The following BLOC1S5 variants were observed in gnomAD, a reference collection of about 807,000 sequenced individuals.
BLOC1S5 encodes the protein biogenesis of lysosome-related organelles complex 1 subunit 5.
In BLOC1S5, 27 loss-of-function variants were observed where a neutral mutation model predicts 24.3. That is an observed-to-expected ratio of 1.11 (90% CI 0.82 to 1.53). The LOEUF is 1.53. Among genes scored for constraint, BLOC1S5 ranks in the 40% most tolerant of loss-of-function variants. BLOC1S5 has a pLI of 0.00. For synonymous variants in BLOC1S5, 84 were observed against 74.5 expected (o/e 1.13, Z -0.66); for missense variants, 239 against 229.4 (o/e 1.04, Z -0.27).
chr6:8,058,392 T>C (rs1249340539), intron 2 of BLOC1S5, among the ~76,000 whole-genome samples: 2 of 67,818 alleles, frequency 2.9e-5, no homozygotes, highest in East Asian at 1.2e-3. Context: ...AAAAAAAAAA[T>C]AGCCGGCCAT....
In BLOC1S5 at chr6:8,013,878, G is replaced by C. The variant is rs965914398; in HGVS notation, c.*1771C>G. The C allele has an allele frequency of 1.3e-5, 2 of 152,088 alleles. No individual in the cohort carries two copies. Among genetic ancestry groups the C allele is most frequent in the African/African-American group, 2.4e-5 (1 of 41,414 alleles). The allele number at this position is 152,088 out of a possible 1,614,324, so 9.4% of individuals were successfully genotyped here. ...TTGGTGTCAGCAAGTGCGCTTTTTA[G>C]TCCAGGTACCAGCAAATGATTGATG... On this transcript the variant is annotated 3_prime_UTR_variant, in exon 5 of 5. Coordinates refer to ENST00000397457, the MANE Select transcript of BLOC1S5 (RefSeq NM_201280.3).
chr6:8,023,503 T>G (rs1180548963), intron 4 of BLOC1S5, among the ~76,000 whole-genome samples: 1 of 151,804 alleles, frequency 6.6e-6, no homozygotes, highest in Non-Finnish European at 1.5e-5. Flanking sequence ...GGCAGGAGAA[T>G]CACTTGAACC....
chr6:8,062,732 T>C (rs1757307309), intron 1 of BLOC1S5, 116 bp from the exon 2 acceptor site: 3 of 645,746 alleles, frequency 4.6e-6, no homozygotes, highest in Non-Finnish European at 5.2e-6. Flanking sequence ...GTTTAGACTA[T>C]GGACTAAGAA....
At chr6:8,031,332 T>G (rs1275840618) in intron 3 of BLOC1S5, among the ~76,000 whole-genome samples, 1 of 152,032 alleles carries the variant, frequency 6.6e-6, no homozygotes, top group African/African-American at 2.4e-5. Flanking sequence ...TATACACCAA[T>G]AGAAACCAAG....
intron 4 of BLOC1S5, among the ~76,000 whole-genome samples, chr6:8,022,568 ATTTTTTTTTTCT>A (rs150946150): frequency 0.2 from 25,071 of 123,768 alleles, 4,357 homozygotes; most frequent in Admixed American, 0.25. Flanking sequence ...TTCAAACTCT[ATTTTTTTTTTCT>A]TTTTTTTTTT....
chr6:8,059,748 C>A (rs547980254), intron 2 of BLOC1S5, among the ~76,000 whole-genome samples: 28 of 152,248 alleles, frequency 1.8e-4, no homozygotes, highest in Non-Finnish European at 2.8e-4. Flanking sequence ...TCAGGAAGGC[C>A]AAATGGGGAG....
At position 8,061,435 on chromosome 6, in the gene BLOC1S5, A is replaced by G. The variant is rs192648590; in HGVS notation, c.195+1099T>C. On this transcript the variant is annotated intron_variant, in intron 2 of 4. Coordinates refer to ENST00000397457, the MANE Select transcript of BLOC1S5 (RefSeq NM_201280.3). ...TTAACATGTTAACTGAACCAATTACACATGTTACTTAACATGTATAATTAA... is the reference window on the plus strand; with the variant it reads ...TTAACATGTTAACTGAACCAATTACGCATGTTACTTAACATGTATAATTAA... 2.6e-5 allele frequency among the ~76,000 whole-genome samples: 4 copies of G among 152,288 alleles called. No individual in the cohort carries two copies. The East Asian group carries it at 7.7e-4, about 29-fold the overall frequency.
chr6:8,040,069 T>C (rs1258397357), intron 3 of BLOC1S5, among the ~76,000 whole-genome samples: 1 of 152,062 alleles, frequency 6.6e-6, no homozygotes, highest in South Asian at 2.1e-4. Context: ...AAAGTGATAA[T>C]CCAGGAATAA....
chr6:8,061,809 C>T (rs1764524601), intron 2 of BLOC1S5, among the ~76,000 whole-genome samples: 1 of 152,170 alleles, frequency 6.6e-6, no homozygotes, highest in Non-Finnish European at 1.5e-5. Flanking sequence ...TACAAAACTA[C>T]AGTAATAGGA....
At chr6:8,035,639 A>G (rs1001616124) in intron 3 of BLOC1S5, among the ~76,000 whole-genome samples, 1 of 152,236 alleles carries the variant, frequency 6.6e-6, no homozygotes, top group Non-Finnish European at 1.5e-5. Context: ...AAAAGAGACA[A>G]AGAAGGTCAC....
intron 3 of BLOC1S5, among the ~76,000 whole-genome samples, chr6:8,034,916 TAAAG>T (rs1763434852): frequency 6.6e-6 from 1 of 151,678 alleles, no homozygotes. Context: ...AACAAGTGGA[TAAAG>T]AAAATGTGAT....
chr6:8,063,008 CAG>C (rs58903192), intron 1 of BLOC1S5, among the ~76,000 whole-genome samples: 26 of 152,060 alleles, frequency 1.7e-4, no homozygotes, highest in African/African-American at 2.7e-4. Flanking sequence ...ATAAATACAT[CAG>C]AGTTACACTT....
At chr6:8,041,095 T>C (rs951700875) in intron 3 of BLOC1S5, 44 bp downstream of exon 3, 2 of 1,552,716 alleles carry the variant, frequency 1.3e-6, no homozygotes, top group Non-Finnish European at 1.7e-6. Context: ...TGGTGTAGCA[T>C]TCATTTGAAA....
At chr6:8,063,047 G>A (rs1455845421) in intron 1 of BLOC1S5, among the ~76,000 whole-genome samples, 2 of 151,722 alleles carry the variant, frequency 1.3e-5, no homozygotes, top group South Asian at 2.1e-4. Context: ...AAAATAATAC[G>A]TATTTTATAA....
In BLOC1S5 at chr6:8,015,646, T is replaced by C; in HGVS notation, c.*3A>G. The stretch of plus-strand genomic sequence containing the variant: ...TAGTTTGTGATTGTTGTGGTTCAAG[T>C]TCTTAAAAGGTTGAAAATTTCGCTA... On this transcript the variant is annotated 3_prime_UTR_variant, in exon 5 of 5. Transcript: ENST00000397457. The C allele has an allele frequency of 6.2e-7, 1 of 1,609,288 alleles. No homozygotes were observed. The highest frequency in any genetic ancestry group is 8.5e-7 in the Non-Finnish European group (1 of 1,178,090).
chr6:8,050,418 G>A (rs1381513063), intron 2 of BLOC1S5, among the ~76,000 whole-genome samples: 3 of 151,748 alleles, frequency 2.0e-5, no homozygotes. Flanking sequence ...ACTGAAATTA[G>A]GCCAATTAAT....
At chr6:8,019,611 G>GCC (rs1762856146) in intron 4 of BLOC1S5, among the ~76,000 whole-genome samples, 1 of 151,798 alleles carries the variant, frequency 6.6e-6, no homozygotes, top group Non-Finnish European at 1.5e-5. Flanking sequence ...GAAAAAAGGG[G>GCC]GGGGGGGCGC....
In BLOC1S5 at chr6:8,048,317, C is replaced by T. The variant is rs144482407; in HGVS notation, c.196-7049G>A. ...CTCTGGACTTGGAATGAGCAGGTGTCTAACCTCCCACTGGGATGTAGAAAT... is the reference window on the plus strand; with the variant it reads ...CTCTGGACTTGGAATGAGCAGGTGTTTAACCTCCCACTGGGATGTAGAAAT... On this transcript the variant is annotated intron_variant, in intron 2 of 4. Coordinates refer to ENST00000397457, the MANE Select transcript of BLOC1S5 (RefSeq NM_201280.3). Among the ~76,000 whole-genome samples, 619 of 152,354 alleles carry T rather than the reference C, an allele frequency of 4.1e-3. 6 individuals are homozygous for T. The Middle Eastern group carries it at 0.054, about 13-fold the overall frequency.
At chr6:8,054,197 C>G (rs1002174621) in intron 2 of BLOC1S5, 6 of 426,264 alleles carry the variant, frequency 1.4e-5, no homozygotes, top group Middle Eastern at 3.4e-4. Context: ...CAATTTGAAA[C>G]AGCATCCTTT....
Sources: allele counts gnomAD v4.1 joint callset (sites outside exome capture counted in the v4.1 genomes callset), GRCh38; gene constraint gnomAD v4.1.1; transcripts MANE v1.5; gene names NCBI Gene and HGNC (gene_info 2026-07-23, HGNC 2026-07-21).